The following RABGAP1L variants were observed in gnomAD, a reference collection of about 807,000 sequenced individuals.
The protein encoded by RABGAP1L is rab GTPase-activating protein 1-like.
A neutral mutation model predicts 137.7 loss-of-function variants in RABGAP1L; 63 were observed. The observed-to-expected ratio is 0.46, with a 90% confidence interval of 0.37 to 0.56. The LOEUF is 0.56. Ranked by LOEUF, RABGAP1L falls within the 20% of genes least tolerant of loss-of-function variation. RABGAP1L has a pLI of 0.00. For missense variants in RABGAP1L, 1,095 were observed against 1,244.0 expected, an observed-to-expected ratio of 0.88 and a Z score of 1.80; for synonymous variants, 431 against 433.7, an observed-to-expected ratio of 0.99 and a Z score of 0.08.
At chr1:174,866,731 G>T (rs1045784830) in intron 19 of RABGAP1L, among the ~76,000 whole-genome samples, 13 of 151,968 alleles carry the variant, frequency 8.6e-5, no homozygotes, top group African/African-American at 2.9e-4. Flanking sequence ...GGGCAACATG[G>T]TGAAACCCCT....
intron 19 of RABGAP1L, among the ~76,000 whole-genome samples, chr1:174,849,136 C>T (rs1159688536): frequency 6.6e-6 from 1 of 152,172 alleles, no homozygotes; most frequent in Admixed American, 6.5e-5. Context: ...CTGGCACTCC[C>T]TAGTGAGATG....
intron 13 of RABGAP1L, among the ~76,000 whole-genome samples, chr1:174,526,672 A>T (rs919755235): frequency 1.3e-5 from 2 of 152,068 alleles, no homozygotes; most frequent in Non-Finnish European, 2.9e-5. Flanking sequence ...TGTGGTATCA[A>T]TTATAAAGTC....
chr1:174,504,800 C>G (rs1209079591), intron 13 of RABGAP1L, among the ~76,000 whole-genome samples: 6 of 152,146 alleles, frequency 3.9e-5, no homozygotes, highest in Non-Finnish European at 8.8e-5. Context: ...AGCTCCATGA[C>G]ATTGGTCTGG....
intron 19 of RABGAP1L, among the ~76,000 whole-genome samples, chr1:174,911,997 T>C (rs977670042): frequency 2.0e-5 from 3 of 152,202 alleles, no homozygotes; most frequent in African/African-American, 7.2e-5. Flanking sequence ...CTCAAAGATA[T>C]GCCCAAAGAA....
At chr1:174,633,173 A>G (rs1382503082) in intron 13 of RABGAP1L, among the ~76,000 whole-genome samples, 1 of 150,850 alleles carries the variant, frequency 6.6e-6, no homozygotes, top group Non-Finnish European at 1.5e-5. Context: ...CTGATAAGCA[A>G]CTTCAGCAAA....
intron 14 of RABGAP1L, among the ~76,000 whole-genome samples, chr1:174,655,821 G>C (rs1193802531): frequency 2.0e-5 from 3 of 152,178 alleles, no homozygotes. Context: ...AAGACTTCAA[G>C]CTGGTTTCTG....
At chr1:174,276,025 C>A in intron 9 of RABGAP1L, 90 bp downstream of exon 9, 1 of 933,470 alleles carries the variant, frequency 1.1e-6, no homozygotes, top group Non-Finnish European at 1.6e-6. Flanking sequence ...AAATTTGGAA[C>A]TCAAAGTGGA....
At chr1:174,677,812 A>G (rs940821692) in intron 14 of RABGAP1L, among the ~76,000 whole-genome samples, 5 of 152,332 alleles carry the variant, frequency 3.3e-5, no homozygotes, top group African/African-American at 7.2e-5. Context: ...TTAAATGCCT[A>G]TATTAGAAAA....
intron 11 of RABGAP1L, among the ~76,000 whole-genome samples, chr1:174,370,119 A>G (rs1684983675): frequency 6.6e-6 from 1 of 152,176 alleles, no homozygotes; most frequent in South Asian, 2.1e-4. Flanking sequence ...TCCCTCTTAT[A>G]CTGTCACAGT....
intron 5 of RABGAP1L, 56 bp downstream of exon 5, chr1:174,241,713 T>C: frequency 2.9e-6 from 4 of 1,361,350 alleles, no homozygotes; most frequent in Non-Finnish European, 4.0e-6. Flanking sequence ...GTAATATTTT[T>C]GAGCTCTAAT....
At chr1:174,505,797 G>A (rs1661762173) in intron 13 of RABGAP1L, among the ~76,000 whole-genome samples, 1 of 151,964 alleles carries the variant, frequency 6.6e-6, no homozygotes, top group South Asian at 2.1e-4. Flanking sequence ...CCCAATAATG[G>A]GTATATATCC....
rs761773733 is a variant in RABGAP1L at position 174,250,569 on chromosome 1, G to A, written c.812G>A (p.Ser271Asn). ...GACTCAGTTATTCCTACCCCCGACAGTGATGTGTTTACCTTCAGTGTCTCC... is the reference window on the plus strand; with the variant it reads ...GACTCAGTTATTCCTACCCCCGACAATGATGTGTTTACCTTCAGTGTCTCC... ...VKDSVIPTPD[S>N]DVFTFSVSLE... Residue 271 changes from serine to asparagine, a missense_variant, in exon 6 of 26, where the codon AGT becomes AAT. Around this residue, in one of 4 missense-constraint regions of RABGAP1L, gnomAD observed 356 missense variants for 326.3 expected, o/e 1.09. Coordinates refer to ENST00000681986, the MANE Select transcript of RABGAP1L (RefSeq NM_001366446.1). 4.3e-6 allele frequency: 7 copies of A among 1,613,758 alleles called. No homozygotes were observed. The highest frequency in any genetic ancestry group is 4.0e-5 in the African/African-American group (3 of 74,894).
chr1:174,957,357 T>C (rs1668638670), intron 19 of RABGAP1L, 100 bp from the exon 20 acceptor site: 1 of 891,720 alleles, frequency 1.1e-6, no homozygotes, highest in Non-Finnish European at 1.8e-6. Context: ...GAGTTGAGCA[T>C]GTTCCCTTAG....
At chr1:174,638,780 G>T (rs1261165441) in intron 14 of RABGAP1L, among the ~76,000 whole-genome samples, 1 of 147,032 alleles carries the variant, frequency 6.8e-6, no homozygotes, top group African/African-American at 2.5e-5. Flanking sequence ...GTAAACTATC[G>T]CAAGAACAAA....
intron 18 of RABGAP1L, among the ~76,000 whole-genome samples, chr1:174,773,625 C>G (rs1201016574): frequency 6.6e-6 from 1 of 152,174 alleles, no homozygotes; most frequent in Non-Finnish European, 1.5e-5. Flanking sequence ...AGAGCCAGAG[C>G]AACCAAGAGC....
chr1:174,200,055 G>A (rs1240059207), intron 1 of RABGAP1L, among the ~76,000 whole-genome samples: 1 of 152,150 alleles, frequency 6.6e-6, no homozygotes, highest in Non-Finnish European at 1.5e-5. Flanking sequence ...TGAGATTTTC[G>A]TAACAAGTTA....
At chr1:174,776,941 T>C (rs1247968910) in intron 18 of RABGAP1L, among the ~76,000 whole-genome samples, 1 of 152,232 alleles carries the variant, frequency 6.6e-6, no homozygotes, top group Non-Finnish European at 1.5e-5. Flanking sequence ...TTGTAGACCA[T>C]GTTCTCTGAA....
intron 12 of RABGAP1L, among the ~76,000 whole-genome samples, chr1:174,388,473 A>G (rs1469242841): frequency 3.9e-5 from 6 of 152,094 alleles, no homozygotes; most frequent in Non-Finnish European, 8.8e-5. Context: ...AAAAGCACAT[A>G]AGCTAAAGAA....
chr1:174,177,350 G>T (rs1571386806), intron 1 of RABGAP1L, among the ~76,000 whole-genome samples: 1 of 152,166 alleles, frequency 6.6e-6, no homozygotes. Context: ...TTGTAAATTT[G>T]TTTAAGTTTC....
Sources: allele counts gnomAD v4.1 joint callset (sites outside exome capture counted in the v4.1 genomes callset), GRCh38; gene constraint gnomAD v4.1.1; regional missense constraint gnomAD v4.1.1; transcripts MANE v1.5; gene names NCBI Gene and HGNC (gene_info 2026-07-23, HGNC 2026-07-21).